The following PYGB variants were observed in gnomAD, a reference collection of about 807,000 sequenced individuals.
PYGB encodes glycogen phosphorylase B.
PYGB carries 82 observed loss-of-function variants against 94.3 expected under a neutral mutation model. The observed-to-expected ratio is 0.87, with a 90% CI of 0.73 to 1.04. The LOEUF (loss-of-function observed/expected upper bound fraction) is 1.04. PYGB is among the 50% of genes least tolerant of loss of function. PYGB has a pLI of 0.00. For missense variants in PYGB, 1,132 were observed against 1,158.2 expected (o/e 0.98, Z 0.33); for synonymous variants, 488 against 479.1 (o/e 1.02, Z -0.24).
intron 8 of PYGB, among the ~76,000 whole-genome samples, 154 bp downstream of exon 8, chr20:25,278,616 G>A (rs997745779): frequency 6.6e-6 from 1 of 152,164 alleles, no homozygotes; most frequent in African/African-American, 2.4e-5. Flanking sequence ...TCCCACCTGG[G>A]CCCTCCCTTC....
intron 1 of PYGB, chr20:25,251,178 G>T (rs2092886923): frequency 6.6e-6 from 1 of 152,262 alleles, no homozygotes. Context: ...GGTTGGTCAT[G>T]AAGACATTTA....
At position 25,292,456 on chromosome 20, in the gene PYGB, G is replaced by T. The variant is rs2088477095; in HGVS notation, c.2020G>T (p.Ala674Ser). The T allele has an allele frequency of 1.9e-6, 3 of 1,613,576 alleles. No homozygotes were observed. In the East Asian group the frequency reaches 6.7e-5, roughly 36 times the overall value. ...GCAGATCTCCACTGCAGGCACCGAG[G>T]CCTCAGGCACAGGCAACATGAAGTT... is the stretch of plus-strand genomic sequence containing the variant. ...SQQISTAGTE[A>S]SGTGNMKFML... Residue 674 changes from alanine (A) to serine (S), a missense_variant, in exon 17 of 20, where the codon GCC becomes TCC. Coordinates refer to ENST00000216962, the MANE Select transcript of PYGB (RefSeq NM_002862.4).
intron 2 of PYGB, among the ~76,000 whole-genome samples, chr20:25,260,698 G>A (rs1178182533): frequency 2.0e-5 from 3 of 152,220 alleles, no homozygotes; most frequent in African/African-American, 7.2e-5. Flanking sequence ...CACCCGGGAA[G>A]CACAAGGGAT....
intron 14 of PYGB, chr20:25,288,155 C>G: frequency 3.3e-6 from 2 of 602,946 alleles, no homozygotes; most frequent in Non-Finnish European, 6.1e-6. Context: ...CTGGGTTCGT[C>G]CATGGTCCTG....
At chr20:25,292,313 C>T (rs570595300) in intron 16 of PYGB, 93 bp from the exon 17 acceptor site, 229 of 1,447,750 alleles carry the variant, frequency 1.6e-4, no homozygotes, top group Non-Finnish European at 2.0e-4. Flanking sequence ...GACCCAGCCC[C>T]GGGTGGATGG....
intron 3 of PYGB, 75 bp downstream of exon 3, chr20:25,269,282 C>G: frequency 6.3e-6 from 8 of 1,266,442 alleles, no homozygotes; most frequent in Non-Finnish European, 8.8e-6. Flanking sequence ...AGGCCAGGGT[C>G]AGGTAAATTG....
Position 25,276,650 on chromosome 20 carries a change from T to C in PYGB, c.665T>C (p.Val222Ala), listed in dbSNP as rs1482036744. The C allele has an allele frequency of 1.2e-6, 2 of 1,612,776 alleles. No individual in the cohort carries two copies. Among genetic ancestry groups the C allele is most frequent in the African/African-American group, 1.3e-5 (1 of 74,830 alleles). ...DGVKWLDTQV[V>A]LAMPYDTPVP... ...AGCAACCCGTTTTGTGGCCAGGTGGTGCTGGCCATGCCCTACGACACCCCA... is the reference window on the plus strand; with the variant it reads ...AGCAACCCGTTTTGTGGCCAGGTGGCGCTGGCCATGCCCTACGACACCCCA... The change falls in exon 6 of 20, where the codon GTG becomes GCG. Residue 222 changes from valine (V) to alanine (A), a missense_variant. Coordinates refer to ENST00000216962, the MANE Select transcript of PYGB (RefSeq NM_002862.4).
chr20:25,250,387 A>T (rs1414453688), intron 1 of PYGB, among the ~76,000 whole-genome samples: 2 of 152,080 alleles, frequency 1.3e-5, no homozygotes, highest in Non-Finnish European at 2.9e-5. Context: ...CCTCCGTGAG[A>T]TCTCTTTTGA....
Position 25,283,218 on chromosome 20 carries a change from A to C in PYGB, c.1561A>C (p.Lys521Gln), listed in dbSNP as rs201810385. The C allele has an allele frequency of 6.2e-7, 1 of 1,613,878 alleles. No homozygotes were observed. Among genetic ancestry groups the C allele is most frequent in the South Asian group, 1.1e-5 (1 of 91,084 alleles). The change falls in exon 13 of 20, where the codon AAG (lysine) becomes CAG (glutamine). Residue 521 changes from lysine (K) to glutamine (Q), a missense_variant. Coordinates refer to ENST00000216962, the MANE Select transcript of PYGB (RefSeq NM_002862.4). ...EFLTDLSQLK[K>Q]LLPLVSDEVF... ...CCTGACTGACCTGAGCCAGCTGAAG[A>C]AGCTGCTGCCGCTGGTCAGTGACGA...
At chr20:25,263,408 C>T (rs565847584) in intron 2 of PYGB, among the ~76,000 whole-genome samples, 1 of 152,046 alleles carries the variant, frequency 6.6e-6, no homozygotes, top group Non-Finnish European at 1.5e-5. Context: ...CAAAAGCTAG[C>T]AGAAGGCAAG....
chr20:25,268,153 T>C (rs1042338762), intron 2 of PYGB, among the ~76,000 whole-genome samples: 91 of 10,208 alleles, frequency 8.9e-3, no homozygotes, highest in African/African-American at 0.034. Flanking sequence ...GAGTAAATCC[T>C]AGCACCCGCC....
At chr20:25,288,575 C>T in intron 15 of PYGB, 92 bp downstream of exon 15, 1 of 1,444,096 alleles carries the variant, frequency 6.9e-7, no homozygotes, top group Non-Finnish European at 9.6e-7. Context: ...CCACCACATC[C>T]ATACTCGGGA....
chr20:25,289,732 G>C, intron 15 of PYGB: 1 of 453,074 alleles, frequency 2.2e-6, no homozygotes, highest in Non-Finnish European at 4.6e-6. Context: ...CTGTCACCCA[G>C]ACTAGCTGAA....
chr20:25,272,896 C>T (rs1275551620), intron 4 of PYGB, among the ~76,000 whole-genome samples: 2 of 152,148 alleles, frequency 1.3e-5, no homozygotes, highest in Non-Finnish European at 2.9e-5. Context: ...GTTAGGGTTT[C>T]CAGCAGGAAG....
At chr20:25,274,288 T>C (rs1239946055) in intron 4 of PYGB, among the ~76,000 whole-genome samples, 1 of 152,240 alleles carries the variant, frequency 6.6e-6, no homozygotes, top group Admixed American at 6.5e-5. Flanking sequence ...TCTGTCCTCT[T>C]TCACTGAGTG....
intron 1 of PYGB, among the ~76,000 whole-genome samples, chr20:25,253,623 TAAATAAAATA>T (rs61580405): frequency 0.2 from 28,976 of 146,194 alleles, 3,202 homozygotes; most frequent in East Asian, 0.34. Context: ...CAACTCTGCC[TAAATAAAATA>T]AAATAAAATA....
chr20:25,288,834 G>C (rs1313388115), intron 15 of PYGB, among the ~76,000 whole-genome samples: 1 of 152,196 alleles, frequency 6.6e-6, no homozygotes, highest in Non-Finnish European at 1.5e-5. Flanking sequence ...GCATTGCCTG[G>C]TTTCAGTTCA....
intron 1 of PYGB, 130 bp from the exon 2 acceptor site, chr20:25,259,106 GT>G: frequency 1.2e-6 from 1 of 834,206 alleles, no homozygotes; most frequent in Non-Finnish European, 1.9e-6. Flanking sequence ...AGCAAGCCCA[GT>G]TTTTGTGCAT....
chr20:25,256,375 A>T (rs1371571195), intron 1 of PYGB, among the ~76,000 whole-genome samples: 1 of 151,412 alleles, frequency 6.6e-6, no homozygotes, highest in Non-Finnish European at 1.5e-5. Context: ...TTTGCATGTG[A>T]TAAACTCTGT....
Sources: allele counts gnomAD v4.1 joint callset (sites outside exome capture counted in the v4.1 genomes callset), GRCh38; gene constraint gnomAD v4.1.1; transcripts MANE v1.5; gene names NCBI Gene and HGNC (gene_info 2026-07-23, HGNC 2026-07-21).